Variants in HERC6 observed in about 807,000 individuals in gnomAD.
HERC6 encodes the protein HECT and RLD domain containing E3 ubiquitin protein ligase family member 6, also known as probable E3 ubiquitin-protein ligase HERC6.
Under a neutral mutation model 114.5 loss-of-function variants are expected in HERC6, and 101 were observed. The observed-to-expected ratio is 0.88, with a 90% CI of 0.75 to 1.04. HERC6 has a LOEUF of 1.04. Ranked by LOEUF, HERC6 falls within the 50% of genes least tolerant of loss-of-function variation. The probability of loss-of-function intolerance (pLI) is 0.00; values close to 1 mark genes in which losing one functional copy is unlikely to be tolerated. For missense variants in HERC6, 1,133 were observed against 1,230.9 expected, an observed-to-expected ratio of 0.92 and a Z score of 1.19; for synonymous variants, 408 against 436.2, an observed-to-expected ratio of 0.94 and a Z score of 0.81.
intron 3 of HERC6, among the ~76,000 whole-genome samples, chr4:88,387,185 C>T (rs567881717): frequency 6.6e-6 from 1 of 152,104 alleles, no homozygotes; most frequent in Non-Finnish European, 1.5e-5. Context: ...TCACTTGAGG[C>T]CAGGAGTTTG....
chr4:88,430,314 G>C (rs1172702982), intron 16 of HERC6, among the ~76,000 whole-genome samples: 1 of 152,100 alleles, frequency 6.6e-6, no homozygotes, highest in African/African-American at 2.4e-5. Flanking sequence ...ACTGGGGCCA[G>C]GTGCGGTGGC....
chr4:88,436,868 C>G, intron 18 of HERC6, 37 bp from the exon 19 acceptor site: 1 of 1,409,834 alleles, frequency 7.1e-7, no homozygotes, highest in Non-Finnish European at 9.9e-7. Flanking sequence ...TTTATAAGAT[C>G]AATAAATATA....
rs935260545 is a variant in HERC6 at position 88,411,059 on chromosome 4, T to C, written c.1369-2018T>C. ...TAAAATAATCTTTATACCATTTTGATGGGTCTGAGTGGGTCCTTATACTTG... is the reference window on the plus strand; with the variant it reads ...TAAAATAATCTTTATACCATTTTGACGGGTCTGAGTGGGTCCTTATACTTG... On this transcript the variant is annotated intron_variant, in intron 11 of 22. Transcript: ENST00000264346. Among the ~76,000 whole-genome samples the C allele has an allele frequency of 3.9e-5, 6 of 152,202 alleles. No homozygotes were observed. In the East Asian group the frequency reaches 7.7e-4, roughly 19 times the overall value.
Position 88,390,841 on chromosome 4 carries a change from G to A in HERC6, c.626G>A (p.Ser209Asn). 1 of 1,614,040 alleles carries A rather than the reference G, an allele frequency of 6.2e-7. No individual in the cohort carries two copies. The highest frequency in any genetic ancestry group is 2.2e-5 in the East Asian group (1 of 44,880). ...CGTSFGWGSN[S>N]AGQLALSGRN... ...ACTTCGTTTGGCTGGGGAAGTAACA[G>A]TGCCGGGCAGCTGGCCCTCAGTGGG... Residue 209 changes from serine to asparagine, a missense_variant, in exon 4 of 23, where the codon AGT becomes AAT. By Grantham distance (46) the Ser-to-Asn change is conservative. Around this residue, in one of 3 missense-constraint regions of HERC6, gnomAD observed 735 missense variants for 754.0 expected, o/e 0.97. Coordinates refer to ENST00000264346, the MANE Select transcript of HERC6 (RefSeq NM_017912.4).
chr4:88,425,253 C>T (rs576104979), intron 15 of HERC6, among the ~76,000 whole-genome samples: 45 of 152,260 alleles, frequency 3.0e-4, no homozygotes, highest in African/African-American at 1.1e-3. Context: ...TTGTAAATGC[C>T]TCTTCCACAT....
At chr4:88,419,480 C>A (rs1736819260) in intron 13 of HERC6, among the ~76,000 whole-genome samples, 1 of 152,196 alleles carries the variant, frequency 6.6e-6, no homozygotes, top group Admixed American at 6.5e-5. Context: ...CAGAAGAGCT[C>A]TTAAATTCCA....
chr4:88,424,756 G>A, intron 15 of HERC6, 54 bp downstream of exon 15: 3 of 1,045,452 alleles, frequency 2.9e-6, no homozygotes, highest in Non-Finnish European at 4.3e-6. Flanking sequence ...ATAAAATAGA[G>A]ATAGTGGTAT....
chr4:88,404,355 T>A (rs1357540005), intron 8 of HERC6, among the ~76,000 whole-genome samples: 1 of 151,816 alleles, frequency 6.6e-6, no homozygotes, highest in African/African-American at 2.4e-5. Flanking sequence ...GCCCGGCTAA[T>A]TTTTTGTATT....
At chr4:88,428,555 C>G (rs755832403) in intron 15 of HERC6, 25 bp from the exon 16 acceptor site, 65 of 1,545,840 alleles carry the variant, frequency 4.2e-5, no homozygotes, top group Middle Eastern at 3.4e-4. Context: ...AAAGGAGAAG[C>G]CAACTAAAAA....
At chr4:88,435,665 T>C in intron 17 of HERC6, 60 bp from the exon 18 acceptor site, 1 of 1,135,906 alleles carries the variant, frequency 8.8e-7, no homozygotes, top group Non-Finnish European at 1.1e-6. Context: ...ACTAATCTAA[T>C]TATCCCTTTG....
At chr4:88,382,338 C>A (rs1411577618) in intron 1 of HERC6, among the ~76,000 whole-genome samples, 1 of 152,078 alleles carries the variant, frequency 6.6e-6, no homozygotes, top group Non-Finnish European at 1.5e-5. Context: ...TTTAGGGCCT[C>A]CATAGGGGCA....
chr4:88,397,768 A>G (rs1408442543), intron 7 of HERC6, among the ~76,000 whole-genome samples: 1 of 152,174 alleles, frequency 6.6e-6, no homozygotes, highest in Admixed American at 6.5e-5. Flanking sequence ...AAACATCAGA[A>G]CAATACACTT....
At chr4:88,410,710 G>A (rs1177107462) in intron 11 of HERC6, among the ~76,000 whole-genome samples, 3 of 152,172 alleles carry the variant, frequency 2.0e-5, no homozygotes, top group Non-Finnish European at 4.4e-5. Context: ...ACGCTTGCAT[G>A]TGGGGCATTC....
At chr4:88,422,576 A>G (rs1391574401) in intron 13 of HERC6, among the ~76,000 whole-genome samples, 2 of 143,884 alleles carry the variant, frequency 1.4e-5, no homozygotes, top group African/African-American at 5.5e-5. Context: ...TTTTAACTTT[A>G]TCTACTTGAA....
intron 13 of HERC6, among the ~76,000 whole-genome samples, chr4:88,421,831 T>C (rs1210245513): frequency 1.3e-5 from 2 of 152,256 alleles, no homozygotes; most frequent in Non-Finnish European, 2.9e-5. Context: ...TATTTCCTTG[T>C]GATTTTGACT....
chr4:88,439,444 GA>G (rs1739110731), intron 20 of HERC6, among the ~76,000 whole-genome samples: 1 of 151,958 alleles, frequency 6.6e-6, no homozygotes, highest in Admixed American at 6.6e-5. Flanking sequence ...AAGAAAGAAA[GA>G]AAGAAAATGG....
chr4:88,394,474 C>CAAAAA (rs781425955), intron 5 of HERC6, among the ~76,000 whole-genome samples: 2 of 42,898 alleles, frequency 4.7e-5, no homozygotes, highest in Admixed American at 2.7e-4. Flanking sequence ...CTCTCCTGTC[C>CAAAAA]AAAAAAAAAA....
chr4:88,381,958 T>C (rs970810441), intron 1 of HERC6, among the ~76,000 whole-genome samples: 3 of 152,124 alleles, frequency 2.0e-5, no homozygotes, highest in Non-Finnish European at 1.5e-5. Flanking sequence ...CCTGCATCTG[T>C]TGATTCTCAA....
chr4:88,432,994 A>G (rs370070224), intron 17 of HERC6, among the ~76,000 whole-genome samples: 1 of 152,004 alleles, frequency 6.6e-6, no homozygotes, highest in African/African-American at 2.4e-5. Flanking sequence ...AGGCTGAGGC[A>G]GGAGAACTGC....
Sources: allele counts gnomAD v4.1 joint callset (sites outside exome capture counted in the v4.1 genomes callset), GRCh38; gene constraint gnomAD v4.1.1; regional missense constraint gnomAD v4.1.1; transcripts MANE v1.5; gene names NCBI Gene and HGNC (gene_info 2026-07-23, HGNC 2026-07-21).